Variants in DZIP1 observed in about 807,000 individuals in gnomAD.
The protein encoded by DZIP1 is DAZ interacting zinc finger protein 1.
A neutral mutation model predicts 107.6 loss-of-function variants in DZIP1; 97 were observed. The observed-to-expected ratio is 0.90, with a 90% CI of 0.77 to 1.07. The LOEUF is 1.07. Among genes scored for constraint, DZIP1 ranks in the 50% least tolerant of loss-of-function variants. The pLI, the probability that DZIP1 is intolerant of heterozygous loss-of-function variation, is 0.00. For synonymous variants in DZIP1, 390 were observed against 386.4 expected, an observed-to-expected ratio of 1.01 and a Z score of -0.11; for missense variants, 1,035 against 1,063.6, an observed-to-expected ratio of 0.97 and a Z score of 0.37.
intron 10 of DZIP1, among the ~76,000 whole-genome samples, chr13:95,617,728 G>A (rs1463728709): frequency 1.3e-5 from 2 of 152,120 alleles, no homozygotes; most frequent in African/African-American, 2.4e-5. Context: ...CTAGAATGGC[G>A]GCCAGCAGCC....
intron 7 of DZIP1, among the ~76,000 whole-genome samples, chr13:95,628,963 A>G (rs1316921740): frequency 6.6e-6 from 1 of 152,228 alleles, no homozygotes; most frequent in East Asian, 1.9e-4. Flanking sequence ...TATACTCAAC[A>G]CTACCGAACT....
rs376738047 is a variant in DZIP1, at chr13:95,641,356, C to T, written c.536G>A (p.Arg179His). 2 of 1,613,762 alleles carry T rather than the reference C, an allele frequency of 1.2e-6. No individual in the cohort carries two copies. The highest frequency in any genetic ancestry group is 1.3e-5 in the African/African-American group (1 of 75,018). ...CTGGGTGGAGATCATCTTCTTCCGG[C>T]GTTTGCACTCTTCCTTGAGCGTCTT... Reference protein sequence around the residue: ...EIKTLKEECKRRKKMISTQQL... With the variant: ...EIKTLKEECKHRKKMISTQQL... Residue 179 changes from arginine to histidine, a missense_variant, in exon 5 of 23, where the codon CGC (arginine) becomes CAC (histidine). Arg to His is a conservative substitution (Grantham distance 29). Coordinates refer to ENST00000376829, the MANE Select transcript of DZIP1 (RefSeq NM_198968.4). The surrounding 1 kb of genome is among the most constrained non-coding windows in gnomAD (Gnocchi z 4.3).
intron 10 of DZIP1, 27 bp downstream of exon 10, chr13:95,619,857 CT>C: frequency 6.2e-7 from 1 of 1,610,996 alleles, no homozygotes; most frequent in Admixed American, 1.7e-5. Context: ...AAATGGCCCA[CT>C]TTAGGCCACT....
chr13:95,585,930 A>G (rs2044147454), intron 21 of DZIP1, 76 bp downstream of exon 21: 2 of 1,419,512 alleles, frequency 1.4e-6, no homozygotes, highest in South Asian at 2.9e-5. Context: ...TTTATATTTC[A>G]CTACAAAAAG....
intron 10 of DZIP1, among the ~76,000 whole-genome samples, chr13:95,613,617 G>A (rs1874663829): frequency 6.6e-6 from 1 of 152,166 alleles, no homozygotes; most frequent in Admixed American, 6.5e-5. Context: ...AAGTGTCCGT[G>A]CCTGAGATGA....
At position 95,582,125 on chromosome 13, in the gene DZIP1, T is replaced by C; in HGVS notation, c.*109A>G. 1.0e-6 allele frequency: 1 copy of C among 991,776 alleles called. No homozygotes were observed. The highest frequency in any genetic ancestry group is 1.6e-6 in the Non-Finnish European group (1 of 628,178). The allele number at this position is 991,776 out of a possible 1,614,324, so 61.4% of individuals were successfully genotyped here. A position where few individuals can be genotyped will look rare whatever the true frequency, so the allele number is the denominator to read the frequency against. ...TTCTTTGAATCAGTCTCTGTGTTGC[T>C]GTGGGAAACACGGTAAGGCAGAAGC... On this transcript the variant is annotated 3_prime_UTR_variant, in exon 23 of 23. Transcript: ENST00000376829.
intron 9 of DZIP1, among the ~76,000 whole-genome samples, chr13:95,620,938 T>C (rs1450853015): frequency 6.6e-6 from 1 of 152,172 alleles, no homozygotes; most frequent in Admixed American, 6.5e-5. Flanking sequence ...CCTGGTTTCC[T>C]ACCATATACC....
chr13:95,582,374 A>G (rs113267439), intron 22 of DZIP1, 61 bp from the exon 23 acceptor site: 1 of 1,370,974 alleles, frequency 7.3e-7, no homozygotes, highest in African/African-American at 1.4e-5. Flanking sequence ...CACATTGTCA[A>G]GTCTATAAAA....
At chr13:95,636,211 G>T (rs1482661730) in intron 5 of DZIP1, among the ~76,000 whole-genome samples, 2 of 113,642 alleles carry the variant, frequency 1.8e-5, no homozygotes, top group Non-Finnish European at 4.0e-5. Context: ...AAAAAAAAAA[G>T]ATCTGAAACA....
chr13:95,610,055 AGTGTGTGTGTGTGTGTGTGTGT>A (rs58398816), intron 12 of DZIP1, among the ~76,000 whole-genome samples: 66 of 109,350 alleles, frequency 6.0e-4, no homozygotes, highest in Non-Finnish European at 7.8e-4. Context: ...TGACTGGTTT[AGTGTGTGTGTGTGTGTGTGTGT>A]GTGTGTGTGT....
rs767939522 is a variant in DZIP1 at position 95,624,833 on chromosome 13, T to C, written c.907A>G (p.Lys303Glu). 5 of 1,611,956 alleles carry C rather than the reference T, an allele frequency of 3.1e-6. No individual in the cohort carries two copies. Among genetic ancestry groups the C allele is most frequent in the African/African-American group, 1.3e-5 (1 of 74,914 alleles). Residue 303 changes from lysine to glutamate, a missense_variant, in exon 8 of 23, where the codon AAA becomes GAA. Lys to Glu is a moderately conservative substitution (Grantham distance 56). Transcript: ENST00000376829. ...TCCTTCATAAACATCTCCTTGACTT[T>C]TTCCATTTCATCAACTAGTTTCTCC... ...EKEKLVDEME[K>E]VKEMFMKEFK...
chr13:95,619,990 T>C (rs765046625), intron 9 of DZIP1, 43 bp from the exon 10 acceptor site: 1 of 1,603,202 alleles, frequency 6.2e-7, no homozygotes, highest in Non-Finnish European at 8.5e-7. Flanking sequence ...ACTGTAACAA[T>C]GAGATCTATG....
In DZIP1 at chr13:95,622,362, A is replaced by G; in HGVS notation, c.1091T>C (p.Met364Thr). 5.6e-6 allele frequency: 9 copies of G among 1,614,230 alleles called. No individual in the cohort carries two copies. The highest frequency in any genetic ancestry group is 5.9e-6 in the Non-Finnish European group (7 of 1,180,036). The change falls in exon 9 of 23, where the codon ATG becomes ACG. Residue 364 changes from methionine to threonine, a missense_variant. Coordinates refer to ENST00000376829, the MANE Select transcript of DZIP1 (RefSeq NM_198968.4). ...ACGTACCTGACTATCAAGAAGCTGC[A>G]TGACATTATGGAAATCCTGGGGATA... ...SPYPQDFHNV[M>T]QLLDSQESKW...
In DZIP1 at chr13:95,612,144, T is replaced by G. The variant is rs372868725; in HGVS notation, c.1207A>C (p.Met403Leu). The G allele has an allele frequency of 3.1e-6, 5 of 1,612,846 alleles. No homozygotes were observed. The highest frequency in any genetic ancestry group is 3.4e-6 in the Non-Finnish European group (4 of 1,180,000). ...TTGCTTGCATTTAGATCATCTATCA[T>G]TGAGGTTCGAAGTTTCTCTATATGT... ...LSHIEKLRTS[M>L]IDDLNASNVF... The change falls in exon 11 of 23, where the codon ATG becomes CTG. Residue 403 changes from methionine to leucine, a missense_variant. By Grantham distance (15) the Met-to-Leu change is conservative. Transcript: ENST00000376829.
At chr13:95,630,649 G>T in intron 6 of DZIP1, 1 of 1,115,818 alleles carries the variant, frequency 9.0e-7, no homozygotes, top group Non-Finnish European at 1.1e-6. Context: ...GTAGAAGTGA[G>T]GTACTGAAAA....
At position 95,589,182 on chromosome 13, in the gene DZIP1, G is replaced by C. The variant is rs771876815; in HGVS notation, c.1999C>G (p.Pro667Ala). ...PKIKKNVMED[P>A]FPRKSSTITT... ...ATAGTTGAAGACTTTCTGGGAAAAG[G>C]ATCTTCCATGACATTTTTCTTAATT... The change falls in exon 19 of 23, where the codon CCT (proline) becomes GCT (alanine). Residue 667 changes from proline (P) to alanine (A), a missense_variant. Physicochemically the swap from Pro to Ala is conservative, Grantham distance 27. Coordinates refer to ENST00000376829, the MANE Select transcript of DZIP1 (RefSeq NM_198968.4). 6.2e-7 allele frequency: 1 copy of C among 1,606,384 alleles called. No homozygotes were observed. The highest frequency in any genetic ancestry group is 2.2e-5 in the East Asian group (1 of 44,644).
chr13:95,589,284 G>T (rs1360430980), intron 18 of DZIP1, 77 bp from the exon 19 acceptor site: 1 of 1,239,592 alleles, frequency 8.1e-7, no homozygotes, highest in Non-Finnish European at 1.1e-6. Context: ...TATGGAACTG[G>T]TGATTTTTGC....
At chr13:95,625,341 T>C (rs1876402711) in intron 7 of DZIP1, among the ~76,000 whole-genome samples, 1 of 152,222 alleles carries the variant, frequency 6.6e-6, no homozygotes, top group Non-Finnish European at 1.5e-5. Context: ...AATTCAGATT[T>C]ACAGGAGCTA....
intron 15 of DZIP1, among the ~76,000 whole-genome samples, chr13:95,594,896 A>T (rs1250110465): frequency 6.6e-6 from 1 of 151,820 alleles, no homozygotes; most frequent in African/African-American, 2.4e-5. Context: ...AAAAAAGTCA[A>T]GTTCAAGACA....
Sources: allele counts gnomAD v4.1 joint callset (sites outside exome capture counted in the v4.1 genomes callset), GRCh38; gene constraint gnomAD v4.1.1; non-coding constraint Gnocchi (gnomAD v3.1); transcripts MANE v1.5; gene names NCBI Gene and HGNC (gene_info 2026-07-23, HGNC 2026-07-21).